HPSE2: variants seen among roughly 807,000 people sequenced by gnomAD.
The protein encoded by HPSE2 is inactive heparanase-2.
In HPSE2, 38 loss-of-function variants were observed where a neutral mutation model predicts 60.5. The ratio of observed to expected loss-of-function variants is 0.63; its 90% CI spans 0.48 to 0.82. The LOEUF (loss-of-function observed/expected upper bound fraction) is 0.82, where lower values mean the gene tolerates loss of function less well. HPSE2 is among the 40% of genes least tolerant of loss of function. HPSE2 has a pLI of 0.00. For missense variants in HPSE2, 713 were observed against 740.4 expected (o/e 0.96, Z 0.43); for synonymous variants, 295 against 293.2 (o/e 1.01, Z -0.06).
intron 3 of HPSE2, among the ~76,000 whole-genome samples, chr10:99,022,778 C>G (rs1334030433): frequency 1.3e-5 from 2 of 152,038 alleles, no homozygotes; most frequent in Non-Finnish European, 2.9e-5. Flanking sequence ...AGAAAAATAC[C>G]CAGCCCTGGC....
intron 3 of HPSE2, among the ~76,000 whole-genome samples, chr10:98,897,823 GA>G (rs1403663802): frequency 1.3e-5 from 2 of 151,976 alleles, no homozygotes; most frequent in African/African-American, 4.8e-5. Context: ...CATGACCCAT[GA>G]AAGAAAAAAA....
intron 3 of HPSE2, among the ~76,000 whole-genome samples, chr10:99,083,409 T>C (rs1843211365): frequency 6.6e-6 from 1 of 152,236 alleles, no homozygotes; most frequent in Non-Finnish European, 1.5e-5. Flanking sequence ...AAGGTCACTA[T>C]TCTACAAATT....
At chr10:98,523,186 G>A (rs906797232) in intron 9 of HPSE2, among the ~76,000 whole-genome samples, 2 of 152,180 alleles carry the variant, frequency 1.3e-5, no homozygotes, top group Admixed American at 1.3e-4. Flanking sequence ...TGAGTGACAG[G>A]AACACTTTGG....
chr10:99,313,238 G>C, the HPSE2 span, among the ~76,000 whole-genome samples: 1 of 152,158 alleles, frequency 6.6e-6, no homozygotes, highest in African/African-American at 2.4e-5. Context: ...ATCATGGGAG[G>C]ACTACATATC....
At chr10:98,803,657 C>T (rs1158387241) in intron 3 of HPSE2, among the ~76,000 whole-genome samples, 1 of 150,974 alleles carries the variant, frequency 6.6e-6, no homozygotes, top group Non-Finnish European at 1.5e-5. Flanking sequence ...TTTCTGAGGG[C>T]TCTGTTCTGT....
At chr10:98,493,450 T>G (rs971653976) in intron 9 of HPSE2, among the ~76,000 whole-genome samples, 1 of 152,190 alleles carries the variant, frequency 6.6e-6, no homozygotes, top group Admixed American at 6.5e-5. Flanking sequence ...TTCTGGCAAC[T>G]TTCACTTCAT....
intron 3 of HPSE2, among the ~76,000 whole-genome samples, chr10:99,064,549 T>C (rs1842551028): frequency 6.6e-6 from 1 of 151,986 alleles, no homozygotes; most frequent in Admixed American, 6.6e-5. Flanking sequence ...ATGACCTTAC[T>C]ATAGTTATAT....
the HPSE2 span, among the ~76,000 whole-genome samples, chr10:99,259,883 G>A: frequency 6.6e-6 from 1 of 152,162 alleles, no homozygotes; most frequent in African/African-American, 2.4e-5. Context: ...CAGGATCTAG[G>A]CTGTGTACTC....
At position 98,690,129 on chromosome 10, in the gene HPSE2, T is replaced by C. The variant is rs184707545; in HGVS notation, c.1004+3771A>G. ...ATTTTTACCTTGGAGTTCCTTCTTT[T>C]TGAGATTTCTACCCTCAATTTCCAG... On this transcript the variant is annotated intron_variant, in intron 6 of 11. Transcript: ENST00000370552. Among the ~76,000 whole-genome samples the C allele has an allele frequency of 3.3e-5, 5 of 152,350 alleles. No homozygotes were observed. The East Asian group carries it at 9.6e-4, about 29-fold the overall frequency.
chr10:99,170,325 C>T (rs1422214605), intron 2 of HPSE2, among the ~76,000 whole-genome samples: 3 of 152,194 alleles, frequency 2.0e-5, no homozygotes, highest in African/African-American at 4.8e-5. Flanking sequence ...TATATGGATA[C>T]TTGGCAGATA....
At chr10:98,475,713 A>G (rs1360894473) in intron 11 of HPSE2, among the ~76,000 whole-genome samples, 1 of 123,114 alleles carries the variant, frequency 8.1e-6, no homozygotes, top group African/African-American at 3.9e-5. Flanking sequence ...CTGGTTTTTA[A>G]TAATCCCTTT....
chr10:98,902,268 A>C (rs1053220512), intron 3 of HPSE2, among the ~76,000 whole-genome samples: 1 of 152,190 alleles, frequency 6.6e-6, no homozygotes, highest in African/African-American at 2.4e-5. Flanking sequence ...ATTTGACTGA[A>C]GAAAGAAGTG....
chr10:99,061,587 TATA>T (rs1330044905), intron 3 of HPSE2, among the ~76,000 whole-genome samples: 7 of 152,346 alleles, frequency 4.6e-5, no homozygotes, highest in Admixed American at 3.9e-4. Context: ...TGTCCTGGAA[TATA>T]ATAAAAACTC....
intron 3 of HPSE2, among the ~76,000 whole-genome samples, chr10:99,111,058 T>C (rs1844438188): frequency 6.6e-6 from 1 of 152,178 alleles, no homozygotes; most frequent in South Asian, 2.1e-4. Context: ...TGGTGCCATG[T>C]GTCAAAAAGA....
At chr10:99,260,737 A>T in the HPSE2 span, among the ~76,000 whole-genome samples, 2 of 151,832 alleles carry the variant, frequency 1.3e-5, no homozygotes, top group South Asian at 4.2e-4. Flanking sequence ...CTTTGGGGAC[A>T]CCTGGTTTGG....
the HPSE2 span, among the ~76,000 whole-genome samples, chr10:99,241,271 C>T: frequency 6.6e-6 from 1 of 151,676 alleles, no homozygotes. Context: ...AAAACAACAA[C>T]AAAAAAAACC....
chr10:99,292,161 A>G, the HPSE2 span, among the ~76,000 whole-genome samples: 129,773 of 151,828 alleles, frequency 0.85, 55,805 homozygotes, highest in African/African-American at 0.92. Context: ...AGGGAGGGGA[A>G]GAAAGGGGAG....
At chr10:98,884,712 G>C (rs922437587) in intron 3 of HPSE2, among the ~76,000 whole-genome samples, 1 of 152,098 alleles carries the variant, frequency 6.6e-6, no homozygotes, top group African/African-American at 2.4e-5. Flanking sequence ...GATGGTGGAG[G>C]TAGTGGGGTG....
At chr10:98,727,912 GA>G (rs1949130883) in intron 4 of HPSE2, among the ~76,000 whole-genome samples, 1 of 152,044 alleles carries the variant, frequency 6.6e-6, no homozygotes, top group South Asian at 2.1e-4. Context: ...AATGCTGAAA[GA>G]AAACAAAACA....
Sources: gnomAD v4.1 joint callset for allele counts (sites outside exome capture counted in the v4.1 genomes callset) on GRCh38, gnomAD v4.1.1 for gene constraint, MANE v1.5 for transcripts, NCBI Gene and HGNC (gene_info 2026-07-23, HGNC 2026-07-21) for gene names.